Variants in IKZF3 observed in about 807,000 individuals in gnomAD.
IKZF3 encodes IKAROS family zinc finger 3.
IKZF3 carries 10 observed loss-of-function variants against 49.0 expected under a neutral mutation model. The observed-to-expected ratio is 0.20, with a 90% CI of 0.13 to 0.35. IKZF3 has a LOEUF of 0.35. IKZF3 is among the 10% of genes least tolerant of loss of function. IKZF3 has a pLI of 1.00. For missense variants in IKZF3, 498 were observed against 664.8 expected (o/e 0.75, Z 2.76); for synonymous variants, 209 against 228.2 (o/e 0.92, Z 0.76).
intron 6 of IKZF3, among the ~76,000 whole-genome samples, chr17:39,785,094 AGAACCCCAT>A (rs2060841836): frequency 6.6e-6 from 1 of 152,236 alleles, no homozygotes; most frequent in South Asian, 2.1e-4. Flanking sequence ...GGCTCAGAAT[AGAACCCCAT>A]GTCCACAATG....
intron 3 of IKZF3, among the ~76,000 whole-genome samples, chr17:39,804,560 A>T (rs1302386651): frequency 6.6e-6 from 1 of 152,038 alleles, no homozygotes; most frequent in Non-Finnish European, 1.5e-5. Flanking sequence ...ATCACAATAG[A>T]CCCCTAACTT....
intron 1 of IKZF3, among the ~76,000 whole-genome samples, chr17:39,861,595 CA>C (rs2063215530): frequency 6.6e-6 from 1 of 152,108 alleles, no homozygotes; most frequent in African/African-American, 2.4e-5. Flanking sequence ...CAATGGAGGG[CA>C]AACAGATTCC....
intron 1 of IKZF3, among the ~76,000 whole-genome samples, chr17:39,855,129 A>T (rs947665738): frequency 3.3e-5 from 5 of 152,350 alleles, no homozygotes; most frequent in Admixed American, 3.3e-4. Flanking sequence ...CTATGGCAAG[A>T]GGAAGATAGG....
intron 3 of IKZF3, among the ~76,000 whole-genome samples, chr17:39,798,859 G>C (rs941145563): frequency 1.3e-5 from 2 of 152,012 alleles, no homozygotes; most frequent in Non-Finnish European, 2.9e-5. Flanking sequence ...TGGCTACTAT[G>C]CCTTCTCTGA....
chr17:39,774,395 G>A (rs1361056742), intron 7 of IKZF3, among the ~76,000 whole-genome samples: 2 of 152,094 alleles, frequency 1.3e-5, no homozygotes, highest in African/African-American at 2.4e-5. Flanking sequence ...GGGAAGAGGA[G>A]GGGAGGGAAC....
chr17:39,827,479 A>AT (rs1009872105), intron 3 of IKZF3, among the ~76,000 whole-genome samples: 10 of 149,570 alleles, frequency 6.7e-5, no homozygotes, highest in Non-Finnish European at 1.5e-4. Flanking sequence ...TATTATTATA[A>AT]TTTTTTTTTA....
intron 3 of IKZF3, among the ~76,000 whole-genome samples, chr17:39,818,108 T>C (rs1217866520): frequency 6.6e-6 from 1 of 152,220 alleles, no homozygotes; most frequent in Non-Finnish European, 1.5e-5. Flanking sequence ...GGGTACAGCA[T>C]GTTACTGTAC....
At chr17:39,822,240 C>G (rs970522580) in intron 3 of IKZF3, among the ~76,000 whole-genome samples, 15 of 152,236 alleles carry the variant, frequency 9.9e-5, no homozygotes, top group African/African-American at 3.1e-4. Flanking sequence ...ATGCCCATTA[C>G]CCAGGTGATA....
chr17:39,860,556 GCAA>G (rs961450595), intron 1 of IKZF3, among the ~76,000 whole-genome samples: 9 of 152,280 alleles, frequency 5.9e-5, no homozygotes, highest in African/African-American at 1.9e-4. Flanking sequence ...CATATCCTTT[GCAA>G]CAACATGGAT....
At chr17:39,813,327 A>G (rs1297015227) in intron 3 of IKZF3, among the ~76,000 whole-genome samples, 1 of 151,344 alleles carries the variant, frequency 6.6e-6, no homozygotes, top group African/African-American at 2.4e-5. Context: ...AGAAGAAAAG[A>G]AAATCCAGAG....
chr17:39,827,281 G>C (rs2061982445), intron 3 of IKZF3, among the ~76,000 whole-genome samples: 1 of 151,224 alleles, frequency 6.6e-6, no homozygotes, highest in Admixed American at 6.6e-5. Context: ...ACAGGTGTGA[G>C]TCACCACGGC....
intron 1 of IKZF3, 73 bp from the exon 2 acceptor site, chr17:39,832,224 T>C (rs111944912): frequency 0.029 from 31,737 of 1,076,580 alleles, 602 homozygotes; most frequent in Non-Finnish European, 0.035. Context: ...CCAAATTTAA[T>C]AAGGGATACC....
At chr17:39,851,478 C>T (rs1360212972) in intron 1 of IKZF3, among the ~76,000 whole-genome samples, 1 of 152,228 alleles carries the variant, frequency 6.6e-6, no homozygotes, top group South Asian at 2.1e-4. Flanking sequence ...ACTATTCGAT[C>T]ATAAAACAGA....
intron 3 of IKZF3, among the ~76,000 whole-genome samples, chr17:39,801,700 G>A (rs1308661248): frequency 2.0e-5 from 3 of 152,164 alleles, no homozygotes; most frequent in Admixed American, 2.0e-4. Flanking sequence ...AGTAATGAGA[G>A]AGAGAAACCG....
chr17:39,766,753 G>C (rs1217700601), intron 7 of IKZF3, among the ~76,000 whole-genome samples: 1 of 152,138 alleles, frequency 6.6e-6, no homozygotes, highest in African/African-American at 2.4e-5. Flanking sequence ...GGTAAGGTAT[G>C]CCCACTGTGC....
At chr17:39,809,214 G>A (rs2061497844) in intron 3 of IKZF3, among the ~76,000 whole-genome samples, 1 of 152,132 alleles carries the variant, frequency 6.6e-6, no homozygotes, top group South Asian at 2.1e-4. Flanking sequence ...TAAACCATAG[G>A]TCTCCATATG....
At chr17:39,790,972 C>A (rs1297948396) in intron 5 of IKZF3, among the ~76,000 whole-genome samples, 1 of 151,908 alleles carries the variant, frequency 6.6e-6, no homozygotes, top group Non-Finnish European at 1.5e-5. Flanking sequence ...AAAAAGTAGC[C>A]CCCAAACAAT....
chr17:39,806,686 T>C (rs1399872146), intron 3 of IKZF3, among the ~76,000 whole-genome samples: 1 of 152,200 alleles, frequency 6.6e-6, no homozygotes, highest in Non-Finnish European at 1.5e-5. Context: ...GGCAGTATGG[T>C]GGGCAGCCTT....
At chr17:39,795,533 A>G (rs1251540511) in intron 3 of IKZF3, among the ~76,000 whole-genome samples, 1 of 151,766 alleles carries the variant, frequency 6.6e-6, no homozygotes, top group Non-Finnish European at 1.5e-5. Context: ...CAGCCTCCCG[A>G]GTAGCTGGGA....
Sources: allele counts gnomAD v4.1 joint callset (sites outside exome capture counted in the v4.1 genomes callset), GRCh38; gene constraint gnomAD v4.1.1; transcripts MANE v1.5; gene names NCBI Gene and HGNC (gene_info 2026-07-23, HGNC 2026-07-21).